CLC: variants seen among roughly 807,000 people sequenced by gnomAD.
CLC encodes galectin-10.
CLC carries 15 observed loss-of-function variants against 13.9 expected under a neutral mutation model. The observed-to-expected ratio is 1.08, with a 90% CI of 0.72 to 1.66. The LOEUF (loss-of-function observed/expected upper bound fraction) is 1.66. CLC is among the 40% of genes most tolerant of loss of function. The pLI, the probability that CLC is intolerant of heterozygous loss-of-function variation, is 0.00. For missense variants in CLC, 161 were observed against 169.1 expected (o/e 0.95, Z 0.27); for synonymous variants, 68 against 59.9 (o/e 1.14, Z -0.63).
chr19:39,733,554 G>T (rs1440051575), intron 3 of CLC, among the ~76,000 whole-genome samples: 1 of 152,144 alleles, frequency 6.6e-6, no homozygotes, highest in Non-Finnish European at 1.5e-5. Context: ...CTTGTAAAGG[G>T]TCAAGTACAG....
chr19:39,732,696 C>A (rs1967244070), intron 3 of CLC, among the ~76,000 whole-genome samples: 1 of 147,134 alleles, frequency 6.8e-6, no homozygotes, highest in Admixed American at 6.7e-5. Context: ...TACAGTCCCA[C>A]CAACAGTGTA....
At chr19:39,736,970 G>A (rs1055255330) in intron 1 of CLC, among the ~76,000 whole-genome samples, 2 of 151,936 alleles carry the variant, frequency 1.3e-5, no homozygotes, top group Admixed American at 6.6e-5. Context: ...CTTTCAATTC[G>A]GCCACCCAAA....
At position 39,734,421 on chromosome 19, in the gene CLC, T is replaced by C. The variant is rs770101430; in HGVS notation, c.165A>G (p.Gln55=). 23 of 1,613,998 alleles carry C rather than the reference T, an allele frequency of 1.4e-5. No individual in the cohort carries two copies. The South Asian group carries it at 2.5e-4, about 18-fold the overall frequency. ...KEESDIVFHF[Q]VCFGRRVVMN... is the part of the protein sequence containing the mutation. ...TGACCACACGACGACCAAAGCACAC[T>C]TGGAAATGGAAGACAATGTCTGATT... Residue 55 remains glutamine, a synonymous_variant, in exon 3 of 4, where the codon CAA becomes CAG. Coordinates refer to ENST00000221804, the MANE Select transcript of CLC (RefSeq NM_001828.6).
rs767590743 is a variant in CLC, at chr19:39,731,470, G to C, written c.339C>G (p.Asp113Glu). 1 of 1,613,466 alleles carries C rather than the reference G, an allele frequency of 6.2e-7. No homozygotes were observed. The highest frequency in any genetic ancestry group is 8.5e-7 in the Non-Finnish European group (1 of 1,179,546). The change falls in exon 4 of 4, where the codon GAC becomes GAG. Residue 113 changes from aspartate to glutamate, a missense_variant. Transcript: ENST00000221804. ...TCACAGCCTCAGGCTTGATTCTATG[G>C]TCAAAGGTGTAAGAGGATTGGCCAT... ...MVNGQSSYTF[D>E]HRIKPEAVKM... is the part of the protein sequence containing the mutation.
Position 39,733,975 on chromosome 19 carries a change from G to A in CLC, c.303+308C>T, listed in dbSNP as rs1328452007. 42 of 985,288 alleles carry A rather than the reference G, an allele frequency of 4.3e-5. No individual in the cohort carries two copies. In the South Asian group the frequency reaches 1.2e-3, roughly 28 times the overall value. 61.0% of individuals were successfully genotyped at this position (985,288 alleles called of 1,614,324 possible). On this transcript the variant is annotated intron_variant, in intron 3 of 3. Transcript: ENST00000221804. ...ATTTGGGGAAAATGGCAAGTGAACC[G>A]ACATTGACCCTGGTCAGGTATGGGA... is the stretch of plus-strand genomic sequence containing the variant.
At chr19:39,733,472 A>C (rs373449) in intron 3 of CLC, among the ~76,000 whole-genome samples, 101,523 of 151,998 alleles carry the variant, frequency 0.67, 34,638 homozygotes, top group African/African-American at 0.76. Context: ...TTGGCAATGA[A>C]AAAAGGGTTG....
At chr19:39,735,156 GT>G in intron 1 of CLC, 83 bp from the exon 2 acceptor site, 1 of 944,092 alleles carries the variant, frequency 1.1e-6, no homozygotes, top group Non-Finnish European at 1.7e-6. Flanking sequence ...GGTGCAGCCA[GT>G]TAGAGATCAA....
chr19:39,737,492 G>A (rs1032798053), intron 1 of CLC, among the ~76,000 whole-genome samples: 2 of 151,716 alleles, frequency 1.3e-5, no homozygotes, highest in Non-Finnish European at 2.9e-5. Context: ...GTCACACAGA[G>A]CCGTGCCACT....
intron 1 of CLC, among the ~76,000 whole-genome samples, chr19:39,735,934 G>C (rs992154859): frequency 6.6e-6 from 1 of 152,154 alleles, no homozygotes; most frequent in African/African-American, 2.4e-5. Context: ...TTTGAGAACA[G>C]CTACAAATAA....
intron 2 of CLC, 45 bp from the exon 3 acceptor site, chr19:39,734,538 GGCACACACAAGAC>G: frequency 1.3e-6 from 2 of 1,525,066 alleles, no homozygotes. Flanking sequence ...TTTCTTGTGG[GGCACACACAAGAC>G]ACACACACAA....
chr19:39,737,558 C>T lies in CLC; in HGVS notation c.15+380G>A, dbSNP rs115914061. On this transcript the variant is annotated intron_variant, in intron 1 of 3. Coordinates refer to ENST00000221804, the MANE Select transcript of CLC (RefSeq NM_001828.6). ...ATATAAAGATGCTCATGCACTGGTC[C>T]GGCTGTGCTCACACACACACTCACA... is the stretch of plus-strand genomic sequence containing the variant. Among the ~76,000 whole-genome samples the T allele has an allele frequency of 2.5e-3, 382 of 152,072 alleles. 1 individual carries two copies. The highest frequency in any genetic ancestry group is 8.2e-3 in the African/African-American group (341 of 41,472).
intron 1 of CLC, among the ~76,000 whole-genome samples, chr19:39,736,402 A>C (rs1313370954): frequency 6.6e-6 from 1 of 152,148 alleles, no homozygotes; most frequent in African/African-American, 2.4e-5. Context: ...TATTGGCTAG[A>C]ATCTATAAAT....
At chr19:39,733,831 G>T in intron 3 of CLC, 1 of 404,000 alleles carries the variant, frequency 2.5e-6, no homozygotes, top group Non-Finnish European at 3.0e-6. Context: ...TTGGGATTGA[G>T]GAGTGAGAAG....
intron 3 of CLC, 45 bp from the exon 4 acceptor site, chr19:39,731,550 A>T: frequency 6.4e-7 from 1 of 1,564,476 alleles, no homozygotes. Flanking sequence ...ATTTCACCAA[A>T]CAAGCTTTCA....
At chr19:39,737,776 G>A (rs552221261) in intron 1 of CLC, among the ~76,000 whole-genome samples, 162 bp downstream of exon 1, 1 of 151,912 alleles carries the variant, frequency 6.6e-6, no homozygotes, top group African/African-American at 2.4e-5. Context: ...CCTACCCCAG[G>A]AGCATCTCAG....
chr19:39,732,900 G>T (rs1967247643), intron 3 of CLC, among the ~76,000 whole-genome samples: 1 of 138,718 alleles, frequency 7.2e-6, no homozygotes, highest in South Asian at 2.5e-4. Context: ...AAAAGCAATG[G>T]CAACAAAAGA....
chr19:39,735,806 C>T (rs1262940336), intron 1 of CLC, among the ~76,000 whole-genome samples: 2 of 152,162 alleles, frequency 1.3e-5, no homozygotes, highest in Non-Finnish European at 2.9e-5. Context: ...AAGGAGGGTC[C>T]TTGTGGAACA....
intron 1 of CLC, among the ~76,000 whole-genome samples, chr19:39,735,594 G>A (rs1037001776): frequency 2.9e-4 from 44 of 152,246 alleles, no homozygotes; most frequent in African/African-American, 1.0e-3. Flanking sequence ...AGATTACAGG[G>A]GTGAGCCACT....
At chr19:39,735,806 CT>C (rs1206659998) in intron 1 of CLC, among the ~76,000 whole-genome samples, 1 of 152,162 alleles carries the variant, frequency 6.6e-6, no homozygotes, top group East Asian at 1.9e-4. Flanking sequence ...AAGGAGGGTC[CT>C]TGTGGAACAC....
Sources: gnomAD v4.1 joint callset for allele counts (sites outside exome capture counted in the v4.1 genomes callset) on GRCh38, gnomAD v4.1.1 for gene constraint, MANE v1.5 for transcripts, NCBI Gene and HGNC (gene_info 2026-07-23, HGNC 2026-07-21) for gene names.